Variants in ELP4 observed in about 807,000 individuals in gnomAD.
ELP4 encodes elongator complex protein 4.
In ELP4, 51 loss-of-function variants were observed where a neutral mutation model predicts 48.9. That is an observed-to-expected ratio of 1.04 (90% CI 0.83 to 1.32). The LOEUF (loss-of-function observed/expected upper bound fraction) is 1.32. Ranked by LOEUF, ELP4 falls within the 40% of genes most tolerant of loss-of-function variation. The probability of loss-of-function intolerance (pLI) is 0.00; values close to 1 mark genes in which losing one functional copy is unlikely to be tolerated. For synonymous variants in ELP4, 210 were observed against 189.2 expected (o/e 1.11, Z -0.90); for missense variants, 519 against 514.6 (o/e 1.01, Z -0.08).
At chr11:31,524,425 A>G (rs946606246) in intron 2 of ELP4, among the ~76,000 whole-genome samples, 1 of 152,258 alleles carries the variant, frequency 6.6e-6, no homozygotes, top group Non-Finnish European at 1.5e-5. Context: ...TTATTCCTTC[A>G]AAACCAAGAA....
At chr11:31,527,081 C>T (rs1057053573) in intron 2 of ELP4, among the ~76,000 whole-genome samples, 2 of 152,124 alleles carry the variant, frequency 1.3e-5, no homozygotes, top group South Asian at 2.1e-4. Flanking sequence ...ACTTGTCAGC[C>T]CTCTTCCTTT....
At chr11:31,743,119 G>T (rs1378889225) in intron 9 of ELP4, among the ~76,000 whole-genome samples, 1 of 152,112 alleles carries the variant, frequency 6.6e-6, no homozygotes, top group Non-Finnish European at 1.5e-5. Context: ...TGATAAAACA[G>T]ACTTTAAACC....
At chr11:31,721,624 A>G (rs968355775) in intron 9 of ELP4, among the ~76,000 whole-genome samples, 1 of 152,122 alleles carries the variant, frequency 6.6e-6, no homozygotes, top group African/African-American at 2.4e-5. Context: ...AAGCAGTGGC[A>G]GGTCTTGTGG....
intron 4 of ELP4, among the ~76,000 whole-genome samples, chr11:31,597,612 T>C (rs1294557450): frequency 6.6e-6 from 1 of 152,080 alleles, no homozygotes; most frequent in Non-Finnish European, 1.5e-5. Context: ...ACTCTAAGTT[T>C]AGAGGCTGGA....
chr11:31,576,609 A>G (rs779154071), intron 3 of ELP4, among the ~76,000 whole-genome samples: 9 of 152,220 alleles, frequency 5.9e-5, no homozygotes, highest in Admixed American at 1.3e-4. Context: ...CCATAGTGCA[A>G]TCAAACTAGA....
chr11:31,741,496 C>A (rs923467289), intron 9 of ELP4, among the ~76,000 whole-genome samples: 2 of 152,194 alleles, frequency 1.3e-5, no homozygotes, highest in African/African-American at 4.8e-5. Flanking sequence ...AGACACCCCC[C>A]AGTAGGGGCG....
chr11:31,699,221 G>T lies in ELP4; in HGVS notation c.1143+49000G>T, dbSNP rs1592234740. Among the ~76,000 whole-genome samples the T allele has an allele frequency of 2.6e-5, 4 of 152,228 alleles. No homozygotes were observed. In the South Asian group the frequency reaches 8.3e-4, roughly 32 times the overall value. ...GAAGAGGAGGGAAGCCTCTTGGCAA[G>T]ATAGCTAATTCTAGGATTGAGGCAC... On this transcript the variant is annotated intron_variant, in intron 9 of 9. Transcript: ENST00000640961.
At chr11:31,544,982 C>A (rs935290415) in intron 3 of ELP4, among the ~76,000 whole-genome samples, 2 of 152,020 alleles carry the variant, frequency 1.3e-5, no homozygotes, top group Non-Finnish European at 2.9e-5. Context: ...GAAAGGACAT[C>A]CACACCAAAA....
chr11:31,579,284 A>T (rs961871210), intron 3 of ELP4, among the ~76,000 whole-genome samples: 2 of 152,178 alleles, frequency 1.3e-5, no homozygotes, highest in South Asian at 4.1e-4. Context: ...GTCAGGAAAG[A>T]ACAGGTGCTG....
chr11:31,577,033 G>C (rs892389963), intron 3 of ELP4, among the ~76,000 whole-genome samples: 1 of 151,932 alleles, frequency 6.6e-6, no homozygotes, highest in African/African-American at 2.4e-5. Flanking sequence ...CAACAAAATT[G>C]ATAAGCCACT....
intron 2 of ELP4, among the ~76,000 whole-genome samples, chr11:31,533,998 G>C (rs550196292): frequency 5.4e-4 from 82 of 151,376 alleles, no homozygotes; most frequent in Non-Finnish European, 1.1e-3. Flanking sequence ...ACCACGCCCA[G>C]CTAATGTTTT....
chr11:31,747,150 G>C lies in ELP4; in HGVS notation c.1144-36243G>C, dbSNP rs975522494. 3.9e-5 allele frequency among the ~76,000 whole-genome samples: 6 copies of C among 152,036 alleles called. No individual in the cohort carries two copies. In the East Asian group the frequency reaches 1.2e-3, roughly 29 times the overall value. ...AATGGTATAACCTTCTCTTTTTAATGAACTTACAGTCAAATAGGGGAAGAC... is the reference window on the plus strand; with the variant it reads ...AATGGTATAACCTTCTCTTTTTAATCAACTTACAGTCAAATAGGGGAAGAC... On this transcript the variant is annotated intron_variant, in intron 9 of 9. Coordinates refer to ENST00000640961, the MANE Select transcript of ELP4 (RefSeq NM_019040.5).
chr11:31,551,998 G>A (rs1956861522), intron 3 of ELP4, among the ~76,000 whole-genome samples: 1 of 152,034 alleles, frequency 6.6e-6, no homozygotes, highest in Non-Finnish European at 1.5e-5. Context: ...TAGCAATTCT[G>A]ATGTAATAAA....
At chr11:31,732,444 T>C (rs1408677507) in intron 9 of ELP4, among the ~76,000 whole-genome samples, 1 of 126,398 alleles carries the variant, frequency 7.9e-6, no homozygotes, top group Admixed American at 7.8e-5. Context: ...CAAAAGAAAA[T>C]GATAAAGGAA....
intron 9 of ELP4, among the ~76,000 whole-genome samples, chr11:31,769,940 C>G (rs1948103559): frequency 6.6e-6 from 1 of 152,108 alleles, no homozygotes; most frequent in Admixed American, 6.5e-5. Flanking sequence ...GGGTAGTACC[C>G]AAAATATTGC....
intron 9 of ELP4, among the ~76,000 whole-genome samples, chr11:31,781,853 A>T (rs1398991152): frequency 6.6e-6 from 1 of 152,180 alleles, no homozygotes; most frequent in East Asian, 1.9e-4. Context: ...GGAACAAACT[A>T]GAGCATAAAG....
intron 5 of ELP4, among the ~76,000 whole-genome samples, chr11:31,623,381 AT>A (rs367900093): frequency 0.16 from 20,383 of 127,754 alleles, 2,780 homozygotes; most frequent in Non-Finnish European, 0.19. Context: ...ATATATATAT[AT>A]ATATATATAA....
At chr11:31,639,590 C>A (rs993352575) in intron 7 of ELP4, among the ~76,000 whole-genome samples, 1 of 151,862 alleles carries the variant, frequency 6.6e-6, no homozygotes, top group Non-Finnish European at 1.5e-5. Flanking sequence ...ACTTTTTACA[C>A]AAACTCTAAA....
At chr11:31,631,790 G>T (rs1944867418) in intron 6 of ELP4, among the ~76,000 whole-genome samples, 1 of 152,124 alleles carries the variant, frequency 6.6e-6, no homozygotes, top group South Asian at 2.1e-4. Flanking sequence ...AGATCAGGCA[G>T]TAGGTAGGAT....
Sources: gnomAD v4.1 joint callset for allele counts (sites outside exome capture counted in the v4.1 genomes callset) on GRCh38, gnomAD v4.1.1 for gene constraint, MANE v1.5 for transcripts, NCBI Gene and HGNC (gene_info 2026-07-23, HGNC 2026-07-21) for gene names.